The following PDXDC1 variants were observed in gnomAD, a reference collection of about 807,000 sequenced individuals.
PDXDC1 encodes pyridoxal dependent decarboxylase domain containing 1.
A neutral mutation model predicts 100.1 loss-of-function variants in PDXDC1; 42 were observed. That is an observed-to-expected ratio of 0.42 (90% CI 0.33 to 0.54). The LOEUF (loss-of-function observed/expected upper bound fraction) is 0.54. PDXDC1 is among the 20% of genes least tolerant of loss of function. The pLI, the probability that PDXDC1 is intolerant of heterozygous loss-of-function variation, is 0.10. For synonymous variants in PDXDC1, 260 were observed against 371.7 expected (o/e 0.70, Z 3.46); for missense variants, 636 against 979.2 (o/e 0.65, Z 4.68).
chr16:15,077,188 A>G (rs2045495974), intron 16 of PDXDC1, among the ~76,000 whole-genome samples: 1 of 151,772 alleles, frequency 6.6e-6, no homozygotes, highest in Non-Finnish European at 1.5e-5. Context: ...CATGTTAGTC[A>G]GGCTGGTCTC....
At chr16:15,078,749 C>A (rs1032695408) in intron 16 of PDXDC1, among the ~76,000 whole-genome samples, 1 of 151,874 alleles carries the variant, frequency 6.6e-6, no homozygotes, top group Non-Finnish European at 1.5e-5. Flanking sequence ...AGGCTGCCCA[C>A]CAGCAACTGA....
intron 1 of PDXDC1, among the ~76,000 whole-genome samples, chr16:14,985,550 G>A (rs1244024020): frequency 6.6e-6 from 1 of 152,240 alleles, no homozygotes; most frequent in African/African-American, 2.4e-5. Context: ...CTCCCAAAGT[G>A]CTGGGATTAC....
chr16:15,042,828 A>G (rs4985150), downstream of PDXDC1, among the ~76,000 whole-genome samples: 45,446 of 150,698 alleles, frequency 0.3, 7,319 homozygotes, highest in Admixed American at 0.44. Flanking sequence ...CACCTCCTAG[A>G]TTCAAGCGAT....
At chr16:15,006,749 A>G (rs2040815180) in intron 6 of PDXDC1, among the ~76,000 whole-genome samples, 166 bp downstream of exon 6, 1 of 152,302 alleles carries the variant, frequency 6.6e-6, no homozygotes, top group Non-Finnish European at 1.5e-5. Context: ...AGAAATAAGG[A>G]ATATGGGATA....
the PDXDC1 span, among the ~76,000 whole-genome samples, chr16:15,148,369 G>GTTTTTTT: frequency 3.6e-5 from 3 of 82,348 alleles, no homozygotes; most frequent in African/African-American, 1.5e-4. Flanking sequence ...CAGATCCTGT[G>GTTTTTTT]ATTTTTTTTT....
At chr16:15,105,006 TAGGC>T (rs1330795220) in intron 16 of PDXDC1, among the ~76,000 whole-genome samples, 3 of 150,318 alleles carry the variant, frequency 2.0e-5, no homozygotes, top group Non-Finnish European at 4.4e-5. Flanking sequence ...TCTGCAAATG[TAGGC>T]AGGCTGGGGT....
chr16:15,030,832 T>G (rs1308007745), intron 16 of PDXDC1, among the ~76,000 whole-genome samples: 1 of 152,024 alleles, frequency 6.6e-6, no homozygotes, highest in African/African-American at 2.4e-5. Context: ...TGACTCTCGA[T>G]TTTCCACTAC....
chr16:15,095,502 T>G (rs897115789), intron 16 of PDXDC1, among the ~76,000 whole-genome samples: 1 of 152,172 alleles, frequency 6.6e-6, no homozygotes, highest in African/African-American at 2.4e-5. Flanking sequence ...ACTGCACTCC[T>G]GCTTGGGCAA....
At chr16:15,049,442 T>TTG (rs1180918187) in intron 16 of PDXDC1, among the ~76,000 whole-genome samples, 2 of 152,006 alleles carry the variant, frequency 1.3e-5, no homozygotes, top group Non-Finnish European at 2.9e-5. Context: ...TTATTTTTTT[T>TTG]TTTTGAGACA....
In PDXDC1 at chr16:15,133,397, G is replaced by A. The variant is rs1236869593; in HGVS notation, c.1400-5482G>A. 2.8e-6 allele frequency: 3 copies of A among 1,086,316 alleles called. No homozygotes were observed. The African/African-American group carries it at 4.7e-5, about 17-fold the overall frequency. The allele number at this position is 1,086,316 out of a possible 1,614,324, so 67.3% of individuals were successfully genotyped here. Reference sequence around the variant, plus strand: ...TGTGAGCCCCATTGCGCTGCCGTTGGGCTCTGGGAGGGTGATGGCCAGAGA... The same window carrying A: ...TGTGAGCCCCATTGCGCTGCCGTTGAGCTCTGGGAGGGTGATGGCCAGAGA... On this transcript the variant is annotated intron_variant, in intron 16 of 16. Coordinates refer to the PDXDC1 transcript ENST00000535621.
At chr16:15,054,294 T>A (rs1399051898) in intron 16 of PDXDC1, among the ~76,000 whole-genome samples, 2 of 152,156 alleles carry the variant, frequency 1.3e-5, no homozygotes, top group African/African-American at 4.8e-5. Context: ...ACACAGCCTT[T>A]CTAGGACATG....
chr16:15,019,345 G>A (rs376561134), intron 12 of PDXDC1, among the ~76,000 whole-genome samples: 16 of 152,276 alleles, frequency 1.1e-4, no homozygotes, highest in East Asian at 5.8e-4. Context: ...GGTTATGGAG[G>A]GCATGGATAT....
chr16:14,977,265 CTTACTT>C (rs1966891827), intron 1 of PDXDC1, among the ~76,000 whole-genome samples: 1 of 131,634 alleles, frequency 7.6e-6, no homozygotes. Flanking sequence ...AACTATGGGA[CTTACTT>C]TTTTTTTTTT....
chr16:15,038,425 C>G, downstream of PDXDC1: 2 of 624,508 alleles, frequency 3.2e-6, no homozygotes, highest in South Asian at 4.2e-5. Context: ...ATTTGATATA[C>G]AAGTTAAATG....
intron 16 of PDXDC1, chr16:15,130,125 C>A: frequency 7.5e-7 from 1 of 1,336,140 alleles, no homozygotes; most frequent in Non-Finnish European, 1.1e-6. Context: ...GCAAGCTGTG[C>A]CTTCTCAGGA....
chr16:15,034,697 A>T, intron 21 of PDXDC1, 144 bp downstream of exon 21: 1 of 685,722 alleles, frequency 1.5e-6, no homozygotes. Flanking sequence ...CTGAGGAGAC[A>T]AGTTCTGGTG....
chr16:15,117,268 C>CAAAT (rs1314672117), intron 16 of PDXDC1, among the ~76,000 whole-genome samples: 22 of 52,930 alleles, frequency 4.2e-4, no homozygotes, highest in African/African-American at 1.4e-3. Flanking sequence ...GAAACTGTCT[C>CAAAT]AAATAAATAA....
the PDXDC1 span, among the ~76,000 whole-genome samples, chr16:15,144,865 A>C: frequency 6.6e-6 from 1 of 152,172 alleles, no homozygotes; most frequent in Non-Finnish European, 1.5e-5. Flanking sequence ...TGTAGGAAGG[A>C]GAGCGCTTCA....
chr16:15,056,068 C>T, intron 16 of PDXDC1: 1 of 398,822 alleles, frequency 2.5e-6, no homozygotes, highest in Non-Finnish European at 3.5e-6. Flanking sequence ...GCCGCGCGTC[C>T]CGCCTCGTCC....
Sources: gnomAD v4.1 joint callset for allele counts (sites outside exome capture counted in the v4.1 genomes callset) on GRCh38, gnomAD v4.1.1 for gene constraint, MANE v1.5 for transcripts, NCBI Gene and HGNC (gene_info 2026-07-23, HGNC 2026-07-21) for gene names.